The following CABIN1 variants were observed in gnomAD, a reference collection of about 807,000 sequenced individuals.
CABIN1 encodes the protein calcineurin-binding protein cabin-1.
CABIN1 carries 133 observed loss-of-function variants against 227.7 expected under a neutral mutation model. The observed-to-expected ratio is 0.58, with a 90% CI of 0.51 to 0.67. CABIN1 has a LOEUF of 0.67. CABIN1 is among the 30% of genes least tolerant of loss of function. The probability of loss-of-function intolerance (pLI) is 0.00; values close to 1 mark genes in which losing one functional copy is unlikely to be tolerated. For missense variants in CABIN1, 2,408 were observed against 2,852.5 expected, an observed-to-expected ratio of 0.84 and a Z score of 3.55; for synonymous variants, 1,086 against 1,155.1, an observed-to-expected ratio of 0.94 and a Z score of 1.21.
intron 28 of CABIN1, among the ~76,000 whole-genome samples, chr22:24,120,771 C>T (rs2043362950): frequency 6.6e-6 from 1 of 152,266 alleles, no homozygotes; most frequent in East Asian, 1.9e-4. Context: ...CAAGATTGGG[C>T]CACTGCACTT....
intron 27 of CABIN1, among the ~76,000 whole-genome samples, chr22:24,119,128 G>T (rs1338225303): frequency 6.6e-6 from 1 of 152,180 alleles, no homozygotes; most frequent in Non-Finnish European, 1.5e-5. Context: ...TGTAGCCTCT[G>T]GGTCCCTCAC....
chr22:24,117,025 G>T (rs781020279), intron 27 of CABIN1, among the ~76,000 whole-genome samples: 1 of 152,224 alleles, frequency 6.6e-6, no homozygotes, highest in East Asian at 1.9e-4. Context: ...TCCTGGCCGG[G>T]AAACGTGGTG....
At position 24,054,886 on chromosome 22, in the gene CABIN1, GGA is replaced by G. The variant is rs1375846262; in HGVS notation, c.826_827del (p.Ser276LeufsTer12). 1 of 1,614,012 alleles carries G rather than the reference GGA, an allele frequency of 6.2e-7. No homozygotes were observed. Among genetic ancestry groups the G allele is most frequent in the Non-Finnish European group, 8.5e-7 (1 of 1,180,016 alleles). ...PIPFFTWKCL[G>X]ESLLAMYNHL... ...CTCTCCCTTTAGCTGGAAGTGCCTC[GGA>G]GAGAGCTTGCTGGCCATGTACAATC... On this transcript the variant is annotated frameshift_variant, in exon 9 of 37. Transcript: ENST00000263119. LOFTEE classifies it high-confidence loss of function.
intron 1 of CABIN1, among the ~76,000 whole-genome samples, chr22:24,014,113 G>A (rs540391994): frequency 1.1e-4 from 17 of 152,220 alleles, no homozygotes; most frequent in Admixed American, 9.8e-4. Context: ...ACAAATTCTC[G>A]TTCTCCACAA....
intron 34 of CABIN1, 62 bp from the exon 35 acceptor site, chr22:24,176,049 G>C: frequency 6.4e-7 from 1 of 1,553,870 alleles, no homozygotes; most frequent in South Asian, 1.2e-5. Context: ...ACCTGACACA[G>C]ATGCGTTGGA....
chr22:24,023,132 T>C (rs1386292331), intron 1 of CABIN1, among the ~76,000 whole-genome samples: 1 of 152,252 alleles, frequency 6.6e-6, no homozygotes, highest in Non-Finnish European at 1.5e-5. Flanking sequence ...AGGTACCTTG[T>C]ATATCAAACA....
intron 29 of CABIN1, among the ~76,000 whole-genome samples, chr22:24,151,095 G>T (rs2148475818): frequency 6.6e-6 from 1 of 152,266 alleles, no homozygotes; most frequent in African/African-American, 2.4e-5. Flanking sequence ...GCCTACTTGG[G>T]AACCCGAACG....
intron 18 of CABIN1, among the ~76,000 whole-genome samples, chr22:24,075,303 A>G (rs958277116): frequency 6.6e-6 from 1 of 152,258 alleles, no homozygotes; most frequent in African/African-American, 2.4e-5. Flanking sequence ...TGCTAGTTAT[A>G]AGTCGTTAAT....
chr22:24,084,301 C>T (rs1313386787), intron 20 of CABIN1, among the ~76,000 whole-genome samples: 1 of 150,452 alleles, frequency 6.6e-6, no homozygotes, highest in Non-Finnish European at 1.5e-5. Flanking sequence ...TGCAGTGGTG[C>T]CATCTCGGCT....
intron 1 of CABIN1, among the ~76,000 whole-genome samples, chr22:24,030,390 G>A (rs2036413188): frequency 6.6e-6 from 1 of 152,172 alleles, no homozygotes; most frequent in Admixed American, 6.5e-5. Flanking sequence ...TCCTAATCTG[G>A]AAAATGGGGA....
chr22:24,064,512 G>GTTTTTTTTTTTT (rs782268156), intron 15 of CABIN1, among the ~76,000 whole-genome samples: 9 of 106,900 alleles, frequency 8.4e-5, no homozygotes, highest in Non-Finnish European at 1.1e-4. Context: ...CAGCTGAAAG[G>GTTTTTTTTTTTT]TTTTTTTTTT....
chr22:24,073,967 C>T lies in CABIN1; in HGVS notation c.2632+1457C>T, dbSNP rs186191476. On this transcript the variant is annotated intron_variant, in intron 18 of 36. Transcript: ENST00000263119. ...GTTTGGCTGCACTATTTCATTCTTACGGGTCATGCCGTGATGAACACCTCA... is the reference window on the plus strand; with the variant it reads ...GTTTGGCTGCACTATTTCATTCTTATGGGTCATGCCGTGATGAACACCTCA... Among the ~76,000 whole-genome samples the T allele has an allele frequency of 1.1e-4, 16 of 152,206 alleles. No homozygotes were observed. In the Middle Eastern group the frequency reaches 0.01, roughly 97 times the overall value.
intron 33 of CABIN1, among the ~76,000 whole-genome samples, 197 bp downstream of exon 33, chr22:24,168,718 A>G (rs1432885712): frequency 6.6e-6 from 1 of 152,220 alleles, no homozygotes; most frequent in Non-Finnish European, 1.5e-5. Context: ...CCCAGACCCC[A>G]GTTCAGACAT....
chr22:24,160,076 G>A (rs1001387407), intron 29 of CABIN1, among the ~76,000 whole-genome samples: 2 of 152,142 alleles, frequency 1.3e-5, no homozygotes, highest in African/African-American at 4.8e-5. Flanking sequence ...CCTGGGTCCT[G>A]TCCCACTTTG....
chr22:24,149,729 C>A (rs1346301724), intron 29 of CABIN1, among the ~76,000 whole-genome samples: 2 of 152,230 alleles, frequency 1.3e-5, no homozygotes, highest in Non-Finnish European at 2.9e-5. Flanking sequence ...TCCAAACTCC[C>A]TTGCTGCATA....
intron 9 of CABIN1, 119 bp downstream of exon 9, chr22:24,055,278 T>A: frequency 8.3e-7 from 1 of 1,208,934 alleles, no homozygotes; most frequent in Non-Finnish European, 1.1e-6. Context: ...TGCTCATGAC[T>A]CAAGTGGAAG....
intron 1 of CABIN1, among the ~76,000 whole-genome samples, chr22:24,024,308 T>G (rs1432996207): frequency 6.6e-6 from 1 of 152,192 alleles, no homozygotes; most frequent in Non-Finnish European, 1.5e-5. Context: ...TTTGATGAAG[T>G]CTAATTTATC....
chr22:24,016,289 G>A (rs892097418), intron 1 of CABIN1, among the ~76,000 whole-genome samples: 18 of 152,242 alleles, frequency 1.2e-4, no homozygotes, highest in Non-Finnish European at 1.0e-4. Context: ...TTAGGATAAT[G>A]TTTTCATGGT....
intron 2 of CABIN1, among the ~76,000 whole-genome samples, chr22:24,035,856 T>G (rs1336219880): frequency 1.3e-5 from 2 of 151,932 alleles, no homozygotes; most frequent in African/African-American, 2.4e-5. Flanking sequence ...CAGGACATAC[T>G]TTCTGCACAG....
Sources: gnomAD v4.1 joint callset for allele counts (sites outside exome capture counted in the v4.1 genomes callset) on GRCh38, gnomAD v4.1.1 for gene constraint, MANE v1.5 for transcripts, NCBI Gene and HGNC (gene_info 2026-07-23, HGNC 2026-07-21) for gene names.